SNX29: variants seen among roughly 807,000 people sequenced by gnomAD.
SNX29 encodes the protein sorting nexin-29.
In SNX29, 78 loss-of-function variants were observed where a neutral mutation model predicts 102.1. The ratio of observed to expected loss-of-function variants is 0.76; its 90% CI spans 0.64 to 0.92. SNX29 has a LOEUF of 0.92. Ranked by LOEUF, SNX29 falls within the 40% of genes least tolerant of loss-of-function variation. The pLI is 0.00. For synonymous variants in SNX29, 580 were observed against 414.5 expected (o/e 1.40, Z -4.85); for missense variants, 1,280 against 1,061.7 (o/e 1.21, Z -2.86).
intron 11 of SNX29, among the ~76,000 whole-genome samples, chr16:12,124,788 T>C (rs958013588): frequency 6.6e-6 from 1 of 152,200 alleles, no homozygotes; most frequent in Non-Finnish European, 1.5e-5. Flanking sequence ...GACATTCCCC[T>C]GTGCTCTTGC....
intron 18 of SNX29, among the ~76,000 whole-genome samples, chr16:12,406,887 C>T (rs144785513): frequency 0.035 from 5,390 of 152,192 alleles, 160 homozygotes; most frequent in South Asian, 0.065. Context: ...CAAGCCTGGG[C>T]GACAGAGCGA....
chr16:12,550,967 G>A (rs552958236), intron 20 of SNX29, among the ~76,000 whole-genome samples: 2 of 152,290 alleles, frequency 1.3e-5, no homozygotes, highest in East Asian at 3.9e-4. Context: ...AATGGGCTTA[G>A]GGCACAACAA....
At chr16:12,185,483 C>T (rs1171232715) in intron 13 of SNX29, among the ~76,000 whole-genome samples, 1 of 152,184 alleles carries the variant, frequency 6.6e-6, no homozygotes, top group Non-Finnish European at 1.5e-5. Context: ...CCTACTCGCC[C>T]TGCAAACGTG....
intron 17 of SNX29, among the ~76,000 whole-genome samples, chr16:12,402,480 C>T (rs930636103): frequency 6.6e-6 from 1 of 152,214 alleles, no homozygotes; most frequent in Non-Finnish European, 1.5e-5. Context: ...GACCTTACAG[C>T]CCTTCCAGAA....
At chr16:12,377,570 C>G (rs1025503218) in intron 16 of SNX29, among the ~76,000 whole-genome samples, 1 of 152,204 alleles carries the variant, frequency 6.6e-6, no homozygotes, top group Admixed American at 6.5e-5. Flanking sequence ...GTCTTGATCA[C>G]TCAACGGGTA....
chr16:12,207,718 C>T (rs370248578), intron 14 of SNX29, among the ~76,000 whole-genome samples: 1 of 152,280 alleles, frequency 6.6e-6, no homozygotes, highest in East Asian at 1.9e-4. Flanking sequence ...CGATCCAGCT[C>T]TTCTCCTGTC....
At chr16:12,562,183 C>G (rs1354345135) in intron 20 of SNX29, among the ~76,000 whole-genome samples, 1 of 152,146 alleles carries the variant, frequency 6.6e-6, no homozygotes, top group Non-Finnish European at 1.5e-5. Context: ...CTGACCTGAG[C>G]ATAGGGTTCA....
intron 20 of SNX29, among the ~76,000 whole-genome samples, chr16:12,532,147 T>G (rs1431178947): frequency 6.6e-6 from 1 of 152,240 alleles, no homozygotes; most frequent in East Asian, 1.9e-4. Context: ...TGCCATGCTG[T>G]AACTGTGTGT....
At chr16:12,553,651 CG>C (rs1306977547) in intron 20 of SNX29, among the ~76,000 whole-genome samples, 18 of 142,620 alleles carry the variant, frequency 1.3e-4, no homozygotes, top group African/African-American at 4.6e-4. Context: ...AGTGCAATGA[CG>C]TGATCTTGGC....
At chr16:12,553,708 C>T (rs1374613131) in intron 20 of SNX29, among the ~76,000 whole-genome samples, 3 of 151,250 alleles carry the variant, frequency 2.0e-5, no homozygotes, top group African/African-American at 4.9e-5. Flanking sequence ...CTGCCTCAGC[C>T]TACCACGCAG....
intron 20 of SNX29, among the ~76,000 whole-genome samples, chr16:12,565,907 C>T (rs563308072): frequency 6.6e-6 from 1 of 152,124 alleles, no homozygotes; most frequent in African/African-American, 2.4e-5. Context: ...GGGGCATCCA[C>T]CGTGATCCAC....
At chr16:12,505,784 G>T (rs899693436) in intron 19 of SNX29, among the ~76,000 whole-genome samples, 1 of 34,320 alleles carries the variant, frequency 2.9e-5, no homozygotes, top group African/African-American at 9.9e-5. Context: ...AAAAAAAAAA[G>T]GCAACTGGGA....
At chr16:12,508,240 C>A (rs913943699) in intron 19 of SNX29, among the ~76,000 whole-genome samples, 1 of 152,136 alleles carries the variant, frequency 6.6e-6, no homozygotes, top group African/African-American at 2.4e-5. Context: ...TCGGCAAGGT[C>A]ACGCATCCCC....
chr16:12,352,093 AT>A (rs1410787067), intron 15 of SNX29, among the ~76,000 whole-genome samples: 2 of 152,236 alleles, frequency 1.3e-5, no homozygotes, highest in African/African-American at 2.4e-5. Flanking sequence ...GATTTAAAAA[AT>A]TTGATAGACT....
Position 12,340,327 on chromosome 16 carries a change from A to G in SNX29, c.1783-15836A>G, listed in dbSNP as rs933683073. Among the ~76,000 whole-genome samples the G allele has an allele frequency of 9.8e-5, 15 of 152,296 alleles. No homozygotes were observed. In the East Asian group the frequency reaches 1.9e-3, roughly 20 times the overall value. ...AGCCCAACCTTTTGTTTGAAGTCCT[A>G]TTCTCTGTAACGGGGCATAAAGACA... On this transcript the variant is annotated intron_variant, in intron 15 of 20. Transcript: ENST00000566228.
At chr16:12,217,218 C>T (rs143971261) in intron 14 of SNX29, among the ~76,000 whole-genome samples, 13 of 152,250 alleles carry the variant, frequency 8.5e-5, no homozygotes, top group South Asian at 6.2e-4. Flanking sequence ...CAGGGTCTCA[C>T]GATGTTTCCC....
At chr16:12,168,583 A>G (rs1214105943) in intron 13 of SNX29, among the ~76,000 whole-genome samples, 2 of 152,132 alleles carry the variant, frequency 1.3e-5, no homozygotes, top group African/African-American at 4.8e-5. Context: ...TGACCTTGGA[A>G]TGTGCCTTGG....
chr16:12,494,979 C>T (rs770514116), intron 19 of SNX29, among the ~76,000 whole-genome samples: 5 of 152,184 alleles, frequency 3.3e-5, no homozygotes, highest in African/African-American at 7.2e-5. Flanking sequence ...CTCATTTAAT[C>T]TCGTCAGTAT....
At chr16:12,317,181 C>T (rs562468246) in intron 15 of SNX29, among the ~76,000 whole-genome samples, 2 of 152,318 alleles carry the variant, frequency 1.3e-5, no homozygotes, top group East Asian at 3.9e-4. Context: ...TTTAGGTTAA[C>T]AATCCATGGG....
Sources: allele counts gnomAD v4.1 joint callset (sites outside exome capture counted in the v4.1 genomes callset), GRCh38; gene constraint gnomAD v4.1.1; transcripts MANE v1.5; gene names NCBI Gene and HGNC (gene_info 2026-07-23, HGNC 2026-07-21).